Variants in LRRC37A observed in about 807,000 individuals in gnomAD.
LRRC37A encodes the protein leucine-rich repeat-containing protein 37A.
A neutral mutation model predicts 35.4 loss-of-function variants in LRRC37A; 3 were observed. The observed-to-expected ratio is 0.08, with a 90% CI of 0.04 to 0.22. The LOEUF is 0.22. Ranked by LOEUF, LRRC37A falls within the 10% of genes least tolerant of loss-of-function variation. The pLI, the probability that LRRC37A is intolerant of heterozygous loss-of-function variation, is 1.00. For synonymous variants in LRRC37A, 23 were observed against 215.0 expected (o/e 0.11, Z 7.81); for missense variants, 67 against 565.3 (o/e 0.12, Z 8.94).
the LRRC37A span, among the ~76,000 whole-genome samples, chr17:46,267,893 CTTTTTT>C: frequency 1.2e-4 from 11 of 89,282 alleles, no homozygotes; most frequent in Non-Finnish European, 1.4e-4. Context: ...ACTCCCACAT[CTTTTTT>C]TTTTTTTTTT....
chr17:46,262,733 CG>C, the LRRC37A span, among the ~76,000 whole-genome samples: 90 of 149,956 alleles, frequency 6.0e-4, no homozygotes, highest in Non-Finnish European at 8.4e-4. Context: ...TGCGGTGAGC[CG>C]AGATCAAGCC....
At chr17:46,287,624 G>A in the LRRC37A span, among the ~76,000 whole-genome samples, 2 of 152,262 alleles carry the variant, frequency 1.3e-5, no homozygotes, top group African/African-American at 2.4e-5. Flanking sequence ...ATGGAATATG[G>A]CATGGGCCAC....
chr17:46,271,332 A>ATTTTTTT, the LRRC37A span, among the ~76,000 whole-genome samples: 16 of 125,658 alleles, frequency 1.3e-4, no homozygotes, highest in Non-Finnish European at 1.8e-4. Flanking sequence ...TACCTAGCTA[A>ATTTTTTT]TTTTTTTTTT....
chr17:46,291,145 T>C (rs1407498368), upstream of LRRC37A, among the ~76,000 whole-genome samples: 3 of 152,262 alleles, frequency 2.0e-5, no homozygotes, highest in East Asian at 3.8e-4. Context: ...ACTTCTTCTT[T>C]GGTTAGAAAG....
upstream of LRRC37A, among the ~76,000 whole-genome samples, chr17:46,291,687 G>A (rs1268122187): frequency 3.9e-5 from 6 of 152,176 alleles, no homozygotes; most frequent in Middle Eastern, 3.2e-3. Flanking sequence ...TTGGGAAGTC[G>A]AGGAAGGAGG....
At chr17:46,259,019 A>ATTT in the LRRC37A span, among the ~76,000 whole-genome samples, 19,001 of 78,542 alleles carry the variant, frequency 0.24, 5,926 homozygotes, top group South Asian at 0.35. Context: ...CACCCGGCCT[A>ATTT]TTTTTTTTTT....
chr17:46,259,969 T>C, the LRRC37A span: 1 of 1,578,430 alleles, frequency 6.3e-7, no homozygotes, highest in Non-Finnish European at 8.6e-7. Context: ...CTTGAGCCAC[T>C]CCACAGCCAC....
chr17:46,337,263 ATCAC>A, intron 11 of LRRC37A, 29 bp from the exon 12 acceptor site: 1 of 570,496 alleles, frequency 1.8e-6, no homozygotes, highest in East Asian at 2.9e-5. Context: ...AAACGGCTGC[ATCAC>A]TCACTGTCTT....
At chr17:46,262,726 G>C in the LRRC37A span, among the ~76,000 whole-genome samples, 2 of 151,616 alleles carry the variant, frequency 1.3e-5, no homozygotes, top group Non-Finnish European at 2.9e-5. Context: ...CGGAGGTTGC[G>C]GTGAGCCGAG....
chr17:46,258,707 CTT>C, the LRRC37A span, among the ~76,000 whole-genome samples: 383 of 81,024 alleles, frequency 4.7e-3, no homozygotes, highest in Middle Eastern at 0.011. Context: ...GACTATTATT[CTT>C]TTTTTTTTTT....
chr17:46,259,695 G>A, the LRRC37A span: 1 of 1,605,546 alleles, frequency 6.2e-7, no homozygotes, highest in South Asian at 1.1e-5. Context: ...GCACAACCCA[G>A]ATGAGGCCGC....
At chr17:46,250,390 T>C in the LRRC37A span, among the ~76,000 whole-genome samples, 1 of 152,238 alleles carries the variant, frequency 6.6e-6, no homozygotes, top group African/African-American at 2.4e-5. Flanking sequence ...ATCTTGGGTG[T>C]GTCCGTGAGG....
At chr17:46,257,814 C>A in the LRRC37A span, among the ~76,000 whole-genome samples, 1 of 59,288 alleles carries the variant, frequency 1.7e-5, no homozygotes, top group Non-Finnish European at 4.6e-5. Context: ...AGAGTGAGGC[C>A]CATGTCAAAA....
the LRRC37A span, chr17:46,260,640 T>TTTGG: frequency 7.1e-7 from 1 of 1,401,616 alleles, no homozygotes; most frequent in Non-Finnish European, 9.6e-7. Context: ...TTTTTTTTTT[T>TTTGG]GAGACGTAGT....
At chr17:46,258,910 G>A in the LRRC37A span, among the ~76,000 whole-genome samples, 3 of 149,924 alleles carry the variant, frequency 2.0e-5, no homozygotes, top group Non-Finnish European at 4.4e-5. Context: ...AGTAGAGACC[G>A]GGTTTCACCA....
the LRRC37A span, among the ~76,000 whole-genome samples, chr17:46,281,602 A>T: frequency 2.0e-5 from 3 of 152,052 alleles, no homozygotes; most frequent in Non-Finnish European, 2.9e-5. Flanking sequence ...GTTAATTTTT[A>T]AAATTTTTGT....
chr17:46,286,510 G>A, the LRRC37A span, among the ~76,000 whole-genome samples: 1 of 152,158 alleles, frequency 6.6e-6, no homozygotes, highest in South Asian at 2.1e-4. Flanking sequence ...GTCCAAACAA[G>A]TCAAGCTAGT....
intron 7 of LRRC37A, among the ~76,000 whole-genome samples, chr17:46,325,739 T>C (rs1170713275): frequency 1.3e-5 from 1 of 79,152 alleles, no homozygotes; most frequent in African/African-American, 3.2e-5. Context: ...GGCTGCACAC[T>C]GAAGTCTTCA....
At chr17:46,278,104 G>A in the LRRC37A span, among the ~76,000 whole-genome samples, 1 of 152,070 alleles carries the variant, frequency 6.6e-6, no homozygotes, top group African/African-American at 2.4e-5. Context: ...GCACCACCAT[G>A]CCTGGCTAAT....
Sources: allele counts gnomAD v4.1 joint callset (sites outside exome capture counted in the v4.1 genomes callset), GRCh38; gene constraint gnomAD v4.1.1; transcripts MANE v1.5; gene names NCBI Gene and HGNC (gene_info 2026-07-23, HGNC 2026-07-21).